The following USP36 variants were observed in gnomAD, a reference collection of about 807,000 sequenced individuals.
USP36 encodes the protein ubiquitin carboxyl-terminal hydrolase 36.
In USP36, 59 loss-of-function variants were observed where a neutral mutation model predicts 111.5. The ratio of observed to expected loss-of-function variants is 0.53; its 90% CI spans 0.43 to 0.66. USP36 has a LOEUF of 0.66. Among genes scored for constraint, USP36 ranks in the 30% least tolerant of loss-of-function variants. The probability of loss-of-function intolerance (pLI) is 0.00; values close to 1 mark genes in which losing one functional copy is unlikely to be tolerated. For synonymous variants in USP36, 628 were observed against 581.0 expected, an observed-to-expected ratio of 1.08 and a Z score of -1.16; for missense variants, 1,488 against 1,468.0, an observed-to-expected ratio of 1.01 and a Z score of -0.22.
chr17:78,804,916 A>G (rs908584096), intron 15 of USP36, among the ~76,000 whole-genome samples: 12 of 152,204 alleles, frequency 7.9e-5, no homozygotes, highest in South Asian at 2.1e-4. Flanking sequence ...CGGGCAGGAA[A>G]TGAGCCTCAT....
At chr17:78,790,682 C>T (rs552113292), downstream of USP36, among the ~76,000 whole-genome samples, 4 of 152,250 alleles carry the variant, frequency 2.6e-5, no homozygotes, top group East Asian at 5.8e-4. Context: ...CCACTGCGCC[C>T]GGCCAACACA....
chr17:78,791,152 T>TA (rs1451631836), downstream of USP36, among the ~76,000 whole-genome samples: 1 of 143,668 alleles, frequency 7.0e-6, no homozygotes, highest in Non-Finnish European at 1.5e-5. Flanking sequence ...TTTTTTTTTT[T>TA]AGCTGGAGTT....
At position 78,803,934 on chromosome 17, in the gene USP36, G is replaced by C; in HGVS notation, c.2261C>G (p.Pro754Arg). Residue 754 changes from proline (P) to arginine (R), a missense_variant, in exon 16 of 21, where the codon CCC becomes CGC. Coordinates refer to ENST00000449938, the MANE Select transcript of USP36 (RefSeq NM_001385174.1). The surrounding 1 kb of genome is among the most constrained non-coding windows in gnomAD (Gnocchi z 4.6). ...APQSSSRLQP[P>R]FSPHPTLLSS... ...CAGCAATGTGGGGTGGGGGCTGAAG[G>C]GGGGTTGCAGGCGGCTGGATGATTG... 6.2e-7 allele frequency: 1 copy of C among 1,604,080 alleles called. No homozygotes were observed. The highest frequency in any genetic ancestry group is 1.1e-5 in the South Asian group (1 of 90,708).
chr17:78,803,720 T>A lies in USP36; in HGVS notation c.2475A>T (p.Ser825=). The stretch of plus-strand genomic sequence containing the variant: ...TGATGTGCTGTGGGAGGCGCGTCTC[T>A]GAGCCCAGCCTCTGCGGCTCTCCCA... ...TFVGEPQRLG[S]ETRLPQHIRE... is the part of the protein sequence containing the mutation. Residue 825 remains serine, a synonymous_variant, in exon 16 of 21, where the codon TCA becomes TCT. Coordinates refer to ENST00000449938, the MANE Select transcript of USP36 (RefSeq NM_001385174.1). The surrounding 1 kb of genome is among the most constrained non-coding windows in gnomAD (Gnocchi z 4.6). 6.2e-7 allele frequency: 1 copy of A among 1,612,106 alleles called. No homozygotes were observed. The highest frequency in any genetic ancestry group is 8.5e-7 in the Non-Finnish European group (1 of 1,179,924).
intron 12 of USP36, 101 bp from the exon 13 acceptor site, chr17:78,813,102 CT>C: frequency 3.4e-6 from 5 of 1,473,350 alleles, no homozygotes; most frequent in Non-Finnish European, 4.6e-6. Flanking sequence ...GAAACACGGC[CT>C]GGGGAAACCC....
rs1487910575 is a variant in USP36 at position 78,806,055 on chromosome 17, G to A, written c.2216+101C>T. ...TCCTGGCTGCCCCAATGCTTTGTCT[G>A]TCCTGTGAGGTTGGCGATTCGTCCA... is the stretch of plus-strand genomic sequence containing the variant. On this transcript the variant is annotated intron_variant, in intron 15 of 20. Transcript: ENST00000449938. 6 of 1,588,644 alleles carry A rather than the reference G, an allele frequency of 3.8e-6. No homozygotes were observed. In the African/African-American group the frequency reaches 6.8e-5, roughly 18 times the overall value.
rs1034916812 is a variant in USP36, at chr17:78,819,821, C to G, written c.911+109G>C. Reference sequence around the variant, plus strand: ...ACACACATAGGTTCCTCAAGAAATGCGAGCAGCGGTCACCGCTAAGGAAGA... The same window carrying G: ...ACACACATAGGTTCCTCAAGAAATGGGAGCAGCGGTCACCGCTAAGGAAGA... On this transcript the variant is annotated intron_variant, in intron 9 of 20. Coordinates refer to ENST00000449938, the MANE Select transcript of USP36 (RefSeq NM_001385174.1). The G allele has an allele frequency of 1.4e-5, 16 of 1,109,908 alleles. No homozygotes were observed. The Admixed American group carries it at 2.2e-4, about 15-fold the overall frequency. The allele number at this position is 1,109,908 out of a possible 1,614,324, so 68.8% of individuals were successfully genotyped here.
intron 2 of USP36, among the ~76,000 whole-genome samples, chr17:78,836,824 GAC>G (rs759552605): frequency 2.5e-5 from 3 of 122,392 alleles, no homozygotes; most frequent in Admixed American, 8.0e-5. Flanking sequence ...CACACAAACG[GAC>G]ACACACACAC....
Position 78,807,641 on chromosome 17 carries a change from G to C in USP36, c.1408-5C>G, listed in dbSNP as rs781290121. ...CATCGTCCCAGAGTCTTGTCGCTAA[G>C]GAGACCAAAGCAGAAAACACAACTG... On this transcript the variant is annotated splice_polypyrimidine_tract_variant and splice_region_variant and intron_variant, in intron 13 of 20. Transcript: ENST00000449938. 3.5e-5 allele frequency: 53 copies of C among 1,518,078 alleles called. 1 individual carries two copies. The Admixed American group carries it at 3.8e-4, about 11-fold the overall frequency. 94.0% of individuals were successfully genotyped at this position (1,518,078 alleles called of 1,614,324 possible).
chr17:78,826,959 T>G, intron 6 of USP36: 2 of 605,300 alleles, frequency 3.3e-6, no homozygotes, highest in Non-Finnish European at 6.0e-6. Context: ...TATTTCCCCC[T>G]GACTGAGCTG....
intron 5 of USP36, among the ~76,000 whole-genome samples, chr17:78,827,819 G>A (rs1430001080): frequency 6.6e-6 from 1 of 152,230 alleles, no homozygotes; most frequent in Non-Finnish European, 1.5e-5. Flanking sequence ...TGAGGCAGGA[G>A]GATGGGTTGA....
chr17:78,796,043 C>T lies in USP36; in HGVS notation c.*1857G>A, dbSNP rs2093624060. ...GGTGGAGGGAAGGGACGTGACTCCA[C>T]CCAACAGTGATAAACGCTGCAGAAA... On this transcript the variant is annotated 3_prime_UTR_variant, in exon 21 of 21. Transcript: ENST00000449938. 1 of 152,150 alleles carries T rather than the reference C, an allele frequency of 6.6e-6. No homozygotes were observed. Among genetic ancestry groups the T allele is most frequent in the Admixed American group, 6.5e-5 (1 of 15,278 alleles). The allele number at this position is 152,150 out of a possible 1,614,324, so 9.4% of individuals were successfully genotyped here.
At chr17:78,811,664 T>C (rs1412259585) in intron 13 of USP36, among the ~76,000 whole-genome samples, 2 of 151,876 alleles carry the variant, frequency 1.3e-5, no homozygotes, top group Non-Finnish European at 2.9e-5. Context: ...GGTCAGCAGA[T>C]AGAGACCATC....
chr17:78,812,733 T>G, intron 13 of USP36, 127 bp downstream of exon 13: 1 of 381,792 alleles, frequency 2.6e-6, no homozygotes, highest in Non-Finnish European at 4.1e-6. Context: ...AGAAAAGAAA[T>G]AACATCAACT....
At position 78,835,399 on chromosome 17, in the gene USP36, C is replaced by CG. The variant is rs1567973491; in HGVS notation, c.355dup (p.Arg119ProfsTer93). The CG allele has an allele frequency of 6.2e-7, 1 of 1,614,236 alleles. No homozygotes were observed. Among genetic ancestry groups the CG allele is most frequent in the Non-Finnish European group, 8.5e-7 (1 of 1,180,050 alleles). On this transcript the variant is annotated frameshift_variant, in exon 4 of 21. Transcript: ENST00000449938. LOFTEE classifies it high-confidence loss of function. ...AAGGTTGTGGAGTCCTGCGCCCACGCGGAAGACCCGCTCCCACCTCAGAGA... is the reference window on the plus strand; with the variant it reads ...AAGGTTGTGGAGTCCTGCGCCCACGCGGGAAGACCCGCTCCCACCTCAGAGA...
chr17:78,794,096 CTT>C (rs748436801), downstream of USP36, among the ~76,000 whole-genome samples: 15 of 152,344 alleles, frequency 9.8e-5, no homozygotes, highest in South Asian at 1.2e-3. Flanking sequence ...CATCTCACCT[CTT>C]GAGTCCATCT....
At chr17:78,835,111 G>A (rs2145641835) in intron 4 of USP36, among the ~76,000 whole-genome samples, 169 bp downstream of exon 4, 1 of 151,914 alleles carries the variant, frequency 6.6e-6, no homozygotes, top group Admixed American at 6.6e-5. Flanking sequence ...TCACCTTCAT[G>A]GCCCATTCTG....
chr17:78,794,531 G>A (rs1475455140), downstream of USP36, among the ~76,000 whole-genome samples: 4 of 152,174 alleles, frequency 2.6e-5, no homozygotes, highest in African/African-American at 7.2e-5. Flanking sequence ...CGTCAGTCCT[G>A]CCGGTGGGAC....
intron 6 of USP36, chr17:78,823,013 T>A (rs981689425): frequency 2.5e-6 from 1 of 397,764 alleles, no homozygotes; most frequent in African/African-American, 2.1e-5. Context: ...TCTCCACGTT[T>A]CCCACGGCCA....
Sources: gnomAD v4.1 joint callset for allele counts (sites outside exome capture counted in the v4.1 genomes callset) on GRCh38, gnomAD v4.1.1 for gene constraint, Gnocchi (gnomAD v3.1) non-coding constraint, MANE v1.5 for transcripts, NCBI Gene and HGNC (gene_info 2026-07-23, HGNC 2026-07-21) for gene names.